GLT8D2: variants seen among roughly 807,000 people sequenced by gnomAD.
GLT8D2 encodes the protein glycosyltransferase 8 domain-containing protein 2.
GLT8D2 carries 45 observed loss-of-function variants against 44.5 expected under a neutral mutation model. That is an observed-to-expected ratio of 1.01 (90% CI 0.80 to 1.30). GLT8D2 has a LOEUF of 1.30. Ranked by LOEUF, GLT8D2 falls within the 50% of genes most tolerant of loss-of-function variation. GLT8D2 has a pLI of 0.00. For missense variants in GLT8D2, 400 were observed against 430.4 expected, an observed-to-expected ratio of 0.93 and a Z score of 0.62; for synonymous variants, 156 against 157.2, an observed-to-expected ratio of 0.99 and a Z score of 0.06.
Position 104,012,189 on chromosome 12 carries a change from AATATAT to A in GLT8D2, c.112+2818_112+2823del, listed in dbSNP as rs71069712. ...CTGTCTCAAAAAAAAAAAAAAAAAA[AATATAT>A]ATATATATATATATATACCTTAAAC... On this transcript the variant is annotated intron_variant, in intron 4 of 10. Transcript: ENST00000360814. 6.7e-3 allele frequency among the ~76,000 whole-genome samples: 663 copies of A among 98,414 alleles called. 34 individuals are homozygous for A. The highest frequency in any genetic ancestry group is 0.027 in the Middle Eastern group (5 of 184). 64.6% of individuals were successfully genotyped at this position (98,414 alleles called of 152,430 possible).
At chr12:104,004,277 T>A (rs2136303691) in intron 4 of GLT8D2, among the ~76,000 whole-genome samples, 1 of 152,330 alleles carries the variant, frequency 6.6e-6, no homozygotes, top group East Asian at 1.9e-4. Flanking sequence ...AATATCATAC[T>A]GAATGGGCAA....
intron 6 of GLT8D2, 78 bp from the exon 7 acceptor site, chr12:103,997,613 C>T (rs1023308747): frequency 8.0e-6 from 8 of 1,005,326 alleles, no homozygotes; most frequent in Non-Finnish European, 1.3e-5. Flanking sequence ...GGAGAGTCGG[C>T]TTTGACCATG....
intron 10 of GLT8D2, among the ~76,000 whole-genome samples, chr12:103,990,966 GT>G (rs1335324033): frequency 6.6e-6 from 1 of 152,154 alleles, no homozygotes; most frequent in African/African-American, 2.4e-5. Context: ...AAGCCTGCCT[GT>G]TTAGACCCAA....
At chr12:104,027,943 A>G (rs1878781601) in intron 1 of GLT8D2, among the ~76,000 whole-genome samples, 1 of 152,230 alleles carries the variant, frequency 6.6e-6, no homozygotes, top group African/African-American at 2.4e-5. Context: ...ATGAAGCTTT[A>G]CAGCTCACAG....
intron 8 of GLT8D2, among the ~76,000 whole-genome samples, chr12:103,996,408 G>A (rs1873427574): frequency 6.6e-6 from 1 of 152,172 alleles, no homozygotes; most frequent in African/African-American, 2.4e-5. Flanking sequence ...CATTTCTGGA[G>A]CTTTTATTTC....
At position 103,997,522 on chromosome 12, in the gene GLT8D2, C is replaced by T. The variant is rs751449956; in HGVS notation, c.416G>A (p.Arg139Gln). ...PELLQPLNFV[R>Q]FYLPLLIHQH... Reference sequence around the variant, plus strand: ...GTGGATAAGTAGAGGGAGATAAAATCGAACAAAGTTCAGCTGTTAAAACGA... The same window carrying T: ...GTGGATAAGTAGAGGGAGATAAAATTGAACAAAGTTCAGCTGTTAAAACGA... Residue 139 changes from arginine (R) to glutamine (Q), a missense_variant, in exon 7 of 11, where the codon CGA becomes CAA. Transcript: ENST00000360814. 8 of 1,613,084 alleles carry T rather than the reference C, an allele frequency of 5.0e-6. No homozygotes were observed. Among genetic ancestry groups the T allele is most frequent in the East Asian group, 2.2e-5 (1 of 44,874 alleles).
At chr12:104,046,206 G>A (rs913768664) in intron 1 of GLT8D2, among the ~76,000 whole-genome samples, 1 of 152,222 alleles carries the variant, frequency 6.6e-6, no homozygotes, top group Non-Finnish European at 1.5e-5. Flanking sequence ...AAAACCCTAT[G>A]TGTAAAACGG....
chr12:104,053,620 C>T (rs1881905667), upstream of GLT8D2, among the ~76,000 whole-genome samples: 1 of 152,200 alleles, frequency 6.6e-6, no homozygotes, highest in African/African-American at 2.4e-5. Flanking sequence ...CGCGGTGGCT[C>T]ACACCTGTAA....
chr12:104,051,713 C>T (rs1160283585), upstream of GLT8D2, among the ~76,000 whole-genome samples: 2 of 151,994 alleles, frequency 1.3e-5, no homozygotes, highest in African/African-American at 4.8e-5. Context: ...TAACAAATCT[C>T]TCCCTATCTC....
chr12:104,054,344 T>A (rs1455320550), upstream of GLT8D2, among the ~76,000 whole-genome samples: 1 of 152,152 alleles, frequency 6.6e-6, no homozygotes, highest in Non-Finnish European at 1.5e-5. Flanking sequence ...AATAGCAGGA[T>A]TTCCTTTATA....
At chr12:104,053,364 T>C (rs988385845), upstream of GLT8D2, among the ~76,000 whole-genome samples, 1 of 152,218 alleles carries the variant, frequency 6.6e-6, no homozygotes, top group African/African-American at 2.4e-5. Flanking sequence ...ATGCACAGAT[T>C]TTCCCTGGGG....
intron 1 of GLT8D2, among the ~76,000 whole-genome samples, chr12:104,026,297 T>C (rs1341170112): frequency 7.0e-6 from 1 of 142,748 alleles, no homozygotes; most frequent in Non-Finnish European, 1.6e-5. Flanking sequence ...AAAAAAAAAA[T>C]TCAATAATGT....
At chr12:104,033,366 C>G (rs921963869) in intron 1 of GLT8D2, among the ~76,000 whole-genome samples, 1 of 151,986 alleles carries the variant, frequency 6.6e-6, no homozygotes, top group Non-Finnish European at 1.5e-5. Context: ...TATGGGTGAG[C>G]CTGGAGGACA....
At chr12:104,030,674 C>T in intron 1 of GLT8D2, 1 of 1,528,170 alleles carries the variant, frequency 6.5e-7, no homozygotes. Flanking sequence ...ATATAAGAAA[C>T]TCATACAACT....
intron 3 of GLT8D2, among the ~76,000 whole-genome samples, chr12:104,015,611 C>G (rs2136345514): frequency 6.6e-6 from 1 of 152,052 alleles, no homozygotes; most frequent in Non-Finnish European, 1.5e-5. Flanking sequence ...AAGAATTAAC[C>G]TGGAACACTA....
chr12:103,996,593 T>C (rs189235757), intron 8 of GLT8D2, 142 bp downstream of exon 8: 14 of 619,816 alleles, frequency 2.3e-5, no homozygotes, highest in Non-Finnish European at 3.8e-5. Flanking sequence ...CCCAGACCCC[T>C]GTACTGTTCC....
chr12:104,054,867 C>A (rs1212462816), upstream of GLT8D2, among the ~76,000 whole-genome samples: 1 of 152,190 alleles, frequency 6.6e-6, no homozygotes, highest in African/African-American at 2.4e-5. Flanking sequence ...TATGGCCACA[C>A]TGGTTGTGCA....
chr12:104,051,299 T>G (rs1165602912), upstream of GLT8D2, among the ~76,000 whole-genome samples: 1 of 152,144 alleles, frequency 6.6e-6, no homozygotes, highest in East Asian at 1.9e-4. Context: ...ATTTAAAATT[T>G]TCTAGTAGCC....
intron 4 of GLT8D2, among the ~76,000 whole-genome samples, chr12:104,005,510 G>A (rs896897291): frequency 2.0e-5 from 3 of 151,900 alleles, no homozygotes; most frequent in African/African-American, 4.8e-5. Flanking sequence ...AGCCAGAATC[G>A]ACAAAGAACT....
Sources: allele counts gnomAD v4.1 joint callset (sites outside exome capture counted in the v4.1 genomes callset), GRCh38; gene constraint gnomAD v4.1.1; transcripts MANE v1.5; gene names NCBI Gene and HGNC (gene_info 2026-07-23, HGNC 2026-07-21).